FBXO41: variants seen among roughly 807,000 people sequenced by gnomAD.
The protein encoded by FBXO41 is F-box protein 41.
In FBXO41, 33 loss-of-function variants were observed where a neutral mutation model predicts 81.6. The observed-to-expected ratio is 0.40, with a 90% CI of 0.31 to 0.54. The LOEUF (loss-of-function observed/expected upper bound fraction) is 0.54. Among genes scored for constraint, FBXO41 ranks in the 20% least tolerant of loss-of-function variants. FBXO41 has a pLI of 0.39. For synonymous variants in FBXO41, 576 were observed against 552.7 expected, an observed-to-expected ratio of 1.04 and a Z score of -0.59; for missense variants, 1,107 against 1,236.0, an observed-to-expected ratio of 0.90 and a Z score of 1.56.
chr2:73,266,888 C>T lies in FBXO41; in HGVS notation c.906-206G>A. 1.5e-6 allele frequency: 1 copy of T among 683,880 alleles called. No individual in the cohort carries two copies. Among genetic ancestry groups the T allele is most frequent in the Non-Finnish European group, 2.2e-6 (1 of 459,810 alleles). 42.4% of individuals were successfully genotyped at this position (683,880 alleles called of 1,614,324 possible). A position where few individuals can be genotyped will look rare whatever the true frequency, so the allele number is the denominator to read the frequency against. ...ATGCATGCATGCACTCCGAGCCACACACTCACACCCCACCCACCTGGCCCC... is the reference window on the plus strand; with the variant it reads ...ATGCATGCATGCACTCCGAGCCACATACTCACACCCCACCCACCTGGCCCC... On this transcript the variant is annotated intron_variant, in intron 2 of 12. Coordinates refer to ENST00000520530, the MANE Select transcript of FBXO41 (RefSeq NM_001371389.2). This position sits in a 1 kb window ranked among gnomAD's most constrained non-coding sequence, Gnocchi z 5.3.
chr2:73,263,400 G>A (rs970816333), intron 8 of FBXO41, 92 bp from the exon 9 acceptor site: 11 of 1,004,828 alleles, frequency 1.1e-5, no homozygotes, highest in African/African-American at 3.3e-5. Flanking sequence ...GTTGGGGATC[G>A]CCTGAGCCCA....
chr2:73,259,178 C>T lies in FBXO41; in HGVS notation c.2565+3G>A, dbSNP rs956587579. Reference sequence around the variant, plus strand: ...TTGGACAGCCTCAGAGCTGACCCCTCACCTGGAGTTTTGTCACCATGTCCT... The same window carrying T: ...TTGGACAGCCTCAGAGCTGACCCCTTACCTGGAGTTTTGTCACCATGTCCT... On this transcript the variant is annotated splice_donor_region_variant and intron_variant, in intron 12 of 12. Transcript: ENST00000520530. This position sits in a 1 kb window ranked among gnomAD's most constrained non-coding sequence, Gnocchi z 4.2. The T allele has an allele frequency of 3.1e-6, 5 of 1,613,872 alleles. No homozygotes were observed. In the African/African-American group the frequency reaches 5.3e-5, roughly 17 times the overall value.
At position 73,260,450 on chromosome 2, in the gene FBXO41, T is replaced by C. The variant is rs751354719; in HGVS notation, c.2388A>G (p.Gly796=). The C allele has an allele frequency of 5.0e-6, 8 of 1,609,140 alleles. No individual in the cohort carries two copies. The highest frequency in any genetic ancestry group is 6.8e-6 in the Non-Finnish European group (8 of 1,177,910). The part of the protein sequence containing the change: ...AAEVCREGLK[G]LEMLVLTATP... Reference sequence around the variant, plus strand: ...TCGCCGTGAGCACCAGCATCTCCAGTCCCTTCAGGCCTTCCCGGCAGACCT... The same window carrying C: ...TCGCCGTGAGCACCAGCATCTCCAGCCCCTTCAGGCCTTCCCGGCAGACCT... The change falls in exon 11 of 13, where the codon GGA becomes GGG. Residue 796 remains glycine (G), a synonymous_variant. Transcript: ENST00000520530. This position sits in a 1 kb window ranked among gnomAD's most constrained non-coding sequence, Gnocchi z 5.0.
At chr2:73,267,240 T>C (rs1688307179) in intron 2 of FBXO41, among the ~76,000 whole-genome samples, 1 of 152,164 alleles carries the variant, frequency 6.6e-6, no homozygotes, top group Admixed American at 6.5e-5. Flanking sequence ...TGTAGTCACA[T>C]CATGTTCCAG....
chr2:73,261,923 G>T (rs1013757348), intron 9 of FBXO41, among the ~76,000 whole-genome samples: 3 of 152,160 alleles, frequency 2.0e-5, no homozygotes, highest in Non-Finnish European at 2.9e-5. Flanking sequence ...GAAATATAAA[G>T]AAATTATTGC....
chr2:73,281,085 C>T (rs1187158268), intron 1 of FBXO41, among the ~76,000 whole-genome samples: 1 of 152,180 alleles, frequency 6.6e-6, no homozygotes, highest in Non-Finnish European at 1.5e-5. Context: ...TCTAGCTGAG[C>T]TCTTAGGCTT....
Position 73,255,271 on chromosome 2 carries a change from G to A in FBXO41, c.*3711C>T, listed in dbSNP as rs1423486557. 1 of 152,746 alleles carries A rather than the reference G, an allele frequency of 6.5e-6. No individual in the cohort carries two copies. The highest frequency in any genetic ancestry group is 2.4e-5 in the African/African-American group (1 of 41,480). The allele number at this position is 152,746 out of a possible 1,614,324, so 9.5% of individuals were successfully genotyped here. Reference sequence around the variant, plus strand: ...GCCTTGGGACTGGCTGAGGTCCCAAGGGTTTGGGGAGGGAGTCGTTGCCTT... The same window carrying A: ...GCCTTGGGACTGGCTGAGGTCCCAAAGGTTTGGGGAGGGAGTCGTTGCCTT... On this transcript the variant is annotated 3_prime_UTR_variant, in exon 13 of 13. Coordinates refer to ENST00000520530, the MANE Select transcript of FBXO41 (RefSeq NM_001371389.2).
intron 1 of FBXO41, among the ~76,000 whole-genome samples, chr2:73,270,492 C>T (rs1409309312): frequency 6.6e-6 from 1 of 152,160 alleles, no homozygotes; most frequent in African/African-American, 2.4e-5. Flanking sequence ...GTGACCAAGA[C>T]ATCACTCTAC....
intron 9 of FBXO41, among the ~76,000 whole-genome samples, chr2:73,261,890 C>T (rs1574377003): frequency 6.6e-6 from 1 of 152,202 alleles, no homozygotes; most frequent in African/African-American, 2.4e-5. Flanking sequence ...GCCTTGAGAA[C>T]AACCCATCTG....
Position 73,266,337 on chromosome 2 carries a change from G to T in FBXO41, c.1131+120C>A, listed in dbSNP as rs541988969. ...CCCCTGTTCCTGGCATCTGCTGGTG[G>T]GGTAAAAGCCAAAGAAGGGGCGAAT... On this transcript the variant is annotated intron_variant, in intron 3 of 12. Coordinates refer to ENST00000520530, the MANE Select transcript of FBXO41 (RefSeq NM_001371389.2). The surrounding 1 kb of genome is among the most constrained non-coding windows in gnomAD (Gnocchi z 5.3). 4 of 1,200,804 alleles carry T rather than the reference G, an allele frequency of 3.3e-6. No homozygotes were observed. Among genetic ancestry groups the T allele is most frequent in the Admixed American group, 3.0e-5 (1 of 33,158 alleles). 74.4% of individuals were successfully genotyped at this position (1,200,804 alleles called of 1,614,324 possible).
Position 73,255,104 on chromosome 2 carries a change from C to T in FBXO41, c.*3878G>A, listed in dbSNP as rs1687758627. On this transcript the variant is annotated 3_prime_UTR_variant, in exon 13 of 13. Transcript: ENST00000520530. Reference sequence around the variant, plus strand: ...GCCACAAAGCAAGCCTGGGTCACCTCAGGCCTCTGCCCTGGATACAAGACC... The same window carrying T: ...GCCACAAAGCAAGCCTGGGTCACCTTAGGCCTCTGCCCTGGATACAAGACC... The T allele has an allele frequency of 6.5e-6, 1 of 152,772 alleles. No individual in the cohort carries two copies. Among genetic ancestry groups the T allele is most frequent in the South Asian group, 2.1e-4 (1 of 4,838 alleles). The allele number at this position is 152,772 out of a possible 1,614,324, so 9.5% of individuals were successfully genotyped here. A position where few individuals can be genotyped will look rare whatever the true frequency, so the allele number is the denominator to read the frequency against.
At chr2:73,270,019 T>C (rs1688442942) in intron 1 of FBXO41, among the ~76,000 whole-genome samples, 1 of 152,206 alleles carries the variant, frequency 6.6e-6, no homozygotes, top group African/African-American at 2.4e-5. Flanking sequence ...GGTTCCAACC[T>C]GGAAACGACC....
rs764954137 is a variant in FBXO41 at position 73,265,381 on chromosome 2, C to T, written c.1465G>A (p.Val489Ile). Residue 489 changes from valine (V) to isoleucine (I), a missense_variant, in exon 5 of 13, where the codon GTT (valine) becomes ATT (isoleucine). Physicochemically the swap from Val to Ile is conservative, Grantham distance 29. Transcript: ENST00000520530. ...TEGEEGDVSD[V>I]GSRTTESEAE... ...TCTGACTCAGTGGTTCGGGAGCCAA[C>T]GTCGGAGACATCACCCTCTTCCCCC... is the stretch of plus-strand genomic sequence containing the variant. 1.4e-5 allele frequency: 22 copies of T among 1,611,540 alleles called. No homozygotes were observed. Among genetic ancestry groups the T allele is most frequent in the Middle Eastern group, 1.6e-4 (1 of 6,080 alleles).
intron 1 of FBXO41, among the ~76,000 whole-genome samples, chr2:73,273,403 C>T (rs780597205): frequency 3.3e-5 from 5 of 152,130 alleles, no homozygotes; most frequent in Admixed American, 6.5e-5. Context: ...TTTTGCTGCC[C>T]GGCTCTAGTC....
chr2:73,273,383 C>G (rs541155699), intron 1 of FBXO41, among the ~76,000 whole-genome samples: 14 of 152,250 alleles, frequency 9.2e-5, no homozygotes, highest in African/African-American at 3.1e-4. Flanking sequence ...ATACAGTGGA[C>G]TTTTATTGTT....
intron 1 of FBXO41, among the ~76,000 whole-genome samples, chr2:73,279,546 G>C (rs1347888608): frequency 1.3e-5 from 2 of 152,092 alleles, no homozygotes; most frequent in African/African-American, 4.8e-5. Flanking sequence ...GGAATGTTAG[G>C]GAAGAGAGGA....
intron 5 of FBXO41, among the ~76,000 whole-genome samples, chr2:73,264,819 G>T (rs933137532): frequency 2.0e-5 from 3 of 152,020 alleles, no homozygotes; most frequent in African/African-American, 7.2e-5. Flanking sequence ...GGGTTGGGGG[G>T]GCGGTGGTGC....
Position 73,269,258 on chromosome 2 carries a change from C to T in FBXO41, c.373G>A (p.Ala125Thr). ...GCCAACTCCTCACAGGGCAGGCTAG[C>T]GGGCACCAGGTCGCCGGGGAAGTGG... ...LAHFPGDLVP[A>T]SLPCEELAEP... The change falls in exon 2 of 13, where the codon GCT (alanine) becomes ACT (threonine). Residue 125 changes from alanine to threonine, a missense_variant. Physicochemically the swap from Ala to Thr is moderately conservative, Grantham distance 58. This residue lies in a region of FBXO41 where 771 missense variants were observed against 789.2 expected (regional missense o/e 0.98). Coordinates refer to ENST00000520530, the MANE Select transcript of FBXO41 (RefSeq NM_001371389.2). This position sits in a 1 kb window ranked among gnomAD's most constrained non-coding sequence, Gnocchi z 7.0. 1 of 1,530,338 alleles carries T rather than the reference C, an allele frequency of 6.5e-7. No individual in the cohort carries two copies. 94.8% of individuals were successfully genotyped at this position (1,530,338 alleles called of 1,614,324 possible).
chr2:73,268,899 C>G lies in FBXO41; in HGVS notation c.732G>C (p.Lys244Asn). The part of the protein sequence containing the change: ...VGRLQAELER[K>N]AAELETARQE... ...GCCGCGCAGTCTCCAGTTCGGCCGC[C>G]TTGCGCTCCAGCTCGGCCTGCAGCC... is the stretch of plus-strand genomic sequence containing the variant. Residue 244 changes from lysine (K) to asparagine (N), a missense_variant, in exon 2 of 13, where the codon AAG (lysine) becomes AAC (asparagine). Transcript: ENST00000520530. 1 of 1,549,918 alleles carries G rather than the reference C, an allele frequency of 6.5e-7. No individual in the cohort carries two copies. The highest frequency in any genetic ancestry group is 8.7e-7 in the Non-Finnish European group (1 of 1,150,096).
Sources: gnomAD v4.1 joint callset for allele counts (sites outside exome capture counted in the v4.1 genomes callset) on GRCh38, gnomAD v4.1.1 for gene constraint, gnomAD v4.1.1 regional missense constraint, Gnocchi (gnomAD v3.1) non-coding constraint, MANE v1.5 for transcripts, NCBI Gene and HGNC (gene_info 2026-07-23, HGNC 2026-07-21) for gene names.